MAP2: variants seen among roughly 807,000 people sequenced by gnomAD.
The protein encoded by MAP2 is microtubule-associated protein 2.
In MAP2, 14 loss-of-function variants were observed where a neutral mutation model predicts 137.6. The ratio of observed to expected loss-of-function variants is 0.10; its 90% CI spans 0.07 to 0.16. MAP2 has a LOEUF of 0.16. Ranked by LOEUF, MAP2 falls within the 10% of genes least tolerant of loss-of-function variation. The pLI, the probability that MAP2 is intolerant of heterozygous loss-of-function variation, is 1.00. For missense variants in MAP2, 2,088 were observed against 2,191.5 expected, an observed-to-expected ratio of 0.95 and a Z score of 0.94; for synonymous variants, 786 against 782.3, an observed-to-expected ratio of 1.00 and a Z score of -0.08.
intron 13 of MAP2, chr2:209,723,516 G>C: frequency 1.2e-6 from 1 of 800,938 alleles, no homozygotes; most frequent in Non-Finnish European, 2.2e-6. Flanking sequence ...AAGCCTCTTT[G>C]ATGCTACCCA....
Position 209,733,962 on chromosome 2 carries a change from T to A in MAP2, c.*3565T>A, listed in dbSNP as rs1464813390. On this transcript the variant is annotated 3_prime_UTR_variant, in exon 16 of 16. Transcript: ENST00000682079. ...CACTGTTACAAATCTGTGGGGGGTTTCTTTCTTCTGATAATTCTAGAGCCT... is the reference window on the plus strand; with the variant it reads ...CACTGTTACAAATCTGTGGGGGGTTACTTTCTTCTGATAATTCTAGAGCCT... 6.6e-6 allele frequency: 1 copy of A among 152,646 alleles called. No homozygotes were observed. Among genetic ancestry groups the A allele is most frequent in the Non-Finnish European group, 1.5e-5 (1 of 68,030 alleles). The allele number at this position is 152,646 out of a possible 1,614,324, so 9.5% of individuals were successfully genotyped here.
chr2:209,664,985 AAAG>A (rs1199774248), intron 5 of MAP2, among the ~76,000 whole-genome samples: 6 of 145,860 alleles, frequency 4.1e-5, no homozygotes, highest in South Asian at 2.3e-4. Context: ...AAAAAAAAAA[AAAG>A]AAGAAGAAGA....
intron 13 of MAP2, among the ~76,000 whole-genome samples, chr2:209,711,091 A>G (rs1051982312): frequency 6.6e-5 from 10 of 152,328 alleles, no homozygotes; most frequent in African/African-American, 2.4e-4. Context: ...GAAGAGATAT[A>G]AAACAACATC....
chr2:209,446,956 C>G (rs985429668), intron 1 of MAP2, among the ~76,000 whole-genome samples: 1 of 151,920 alleles, frequency 6.6e-6, no homozygotes, highest in Non-Finnish European at 1.5e-5. Flanking sequence ...ATACTACTTA[C>G]CTAGGTAATG....
intron 2 of MAP2, among the ~76,000 whole-genome samples, chr2:209,567,427 T>C (rs897686946): frequency 1.2e-4 from 18 of 151,944 alleles, no homozygotes; most frequent in Admixed American, 2.6e-4. Flanking sequence ...ACAAAGATAA[T>C]GGAAAAGTCA....
At chr2:209,568,211 C>T (rs2073822264) in intron 2 of MAP2, among the ~76,000 whole-genome samples, 1 of 151,918 alleles carries the variant, frequency 6.6e-6, no homozygotes, top group Non-Finnish European at 1.5e-5. Flanking sequence ...GTGACCATCA[C>T]CCTAGGGTAC....
At chr2:209,656,296 G>T (rs997353911) in intron 5 of MAP2, among the ~76,000 whole-genome samples, 2 of 151,934 alleles carry the variant, frequency 1.3e-5, no homozygotes, top group Admixed American at 1.3e-4. Flanking sequence ...TGAGTAGATT[G>T]CTTGAGCCCA....
chr2:209,582,357 G>A (rs1009987763), intron 3 of MAP2, among the ~76,000 whole-genome samples: 3 of 151,972 alleles, frequency 2.0e-5, no homozygotes, highest in African/African-American at 2.4e-5. Flanking sequence ...TACGGAATAG[G>A]ATTTTTCTGG....
rs527649579 is a variant in MAP2, at chr2:209,596,044, T to C, written c.-107+15944T>C. ...GGGTGCAGCAAACCAACACGGCACA[T>C]GTATACCTATGTAACAAACCTACAC... On this transcript the variant is annotated intron_variant, in intron 3 of 15. Transcript: ENST00000682079. Among the ~76,000 whole-genome samples, 21 of 152,238 alleles carry C rather than the reference T, an allele frequency of 1.4e-4. No homozygotes were observed. In the South Asian group the frequency reaches 4.1e-3, roughly 30 times the overall value.
intron 4 of MAP2, among the ~76,000 whole-genome samples, chr2:209,637,537 A>C (rs547605008): frequency 6.6e-6 from 1 of 152,136 alleles, no homozygotes; most frequent in Admixed American, 6.6e-5. Flanking sequence ...AGATAAGATG[A>C]GGTGACATAA....
rs1481492117 is a variant in MAP2 at position 209,693,637 on chromosome 2, T to C, written c.1467T>C (p.Pro489=). ...TCTCAGAACAGAAAGACCAAGAGCC[T>C]ACCACAGATATGTTGAAACAGGACT... ...HTFSEQKDQE[P]TTDMLKQDSF... The change falls in exon 8 of 16, where the codon CCT becomes CCC. Residue 489 remains proline (P), a synonymous_variant. Transcript: ENST00000682079. 6.2e-7 allele frequency: 1 copy of C among 1,613,870 alleles called. No homozygotes were observed. The highest frequency in any genetic ancestry group is 8.5e-7 in the Non-Finnish European group (1 of 1,179,992).
At position 209,694,343 on chromosome 2, in the gene MAP2, T is replaced by G; in HGVS notation, c.2173T>G (p.Ser725Ala). 6.2e-7 allele frequency: 1 copy of G among 1,614,126 alleles called. No individual in the cohort carries two copies. The highest frequency in any genetic ancestry group is 8.5e-7 in the Non-Finnish European group (1 of 1,180,018). The change falls in exon 8 of 16, where the codon TCT becomes GCT. Residue 725 changes from serine to alanine, a missense_variant. Around this residue, in one of 6 missense-constraint regions of MAP2, gnomAD observed 500 missense variants for 482.9 expected, o/e 1.04. Transcript: ENST00000682079. ...GFNFGRGHDLSPLASDILTNT... is the reference protein window; with the variant it reads ...GFNFGRGHDLAPLASDILTNT... ...TAACTTTGGTCGGGGACATGATCTTTCTCCTCTGGCTTCCGATATTCTAAC... is the reference window on the plus strand; with the variant it reads ...TAACTTTGGTCGGGGACATGATCTTGCTCCTCTGGCTTCCGATATTCTAAC...
At chr2:209,630,769 T>A (rs2092920906) in intron 4 of MAP2, among the ~76,000 whole-genome samples, 1 of 151,938 alleles carries the variant, frequency 6.6e-6, no homozygotes, top group Non-Finnish European at 1.5e-5. Flanking sequence ...GTGGTTTTTG[T>A]GTAATTGATA....
intron 5 of MAP2, 30 bp downstream of exon 5, chr2:209,653,462 C>G (rs2094933976): frequency 6.5e-7 from 1 of 1,549,932 alleles, no homozygotes; most frequent in African/African-American, 1.4e-5. Context: ...TCACCAAGTG[C>G]TTGCTTTGTG....
chr2:209,655,390 C>T (rs543198941), intron 5 of MAP2, among the ~76,000 whole-genome samples: 10 of 152,242 alleles, frequency 6.6e-5, no homozygotes, highest in Non-Finnish European at 1.2e-4. Context: ...TAGAAATAAG[C>T]AGCCAAGTAT....
intron 4 of MAP2, among the ~76,000 whole-genome samples, chr2:209,643,671 T>A (rs2094199889): frequency 6.6e-6 from 1 of 151,118 alleles, no homozygotes; most frequent in South Asian, 2.1e-4. Flanking sequence ...GGACTGCCCA[T>A]TGTTTTCATA....
rs762226552 is a variant in MAP2 at position 209,693,556 on chromosome 2, C to A, written c.1386C>A (p.Pro462=). 5.0e-6 allele frequency: 8 copies of A among 1,612,496 alleles called. No individual in the cohort carries two copies. Among genetic ancestry groups the A allele is most frequent in the Non-Finnish European group, 6.8e-6 (8 of 1,179,708 alleles). The change falls in exon 8 of 16, where the codon CCC becomes CCA. Residue 462 remains proline, a synonymous_variant. Transcript: ENST00000682079. Reference sequence around the variant, plus strand: ...AAGCTGTGCCAAAAGAGAGTAAACCCCCAAAACCTGCAGATGAAGAAATAG... The same window carrying A: ...AAGCTGTGCCAAAAGAGAGTAAACCACCAAAACCTGCAGATGAAGAAATAG... ...DKEAVPKESK[P]PKPADEEIGI...
chr2:209,732,671 A>G lies in MAP2; in HGVS notation c.*2274A>G, dbSNP rs2075923883. ...AAAAGTTTTAACCTGTGAAATAAGT[A>G]TTTTTCTCAACATTCTTTAAAGTTT... is the stretch of plus-strand genomic sequence containing the variant. On this transcript the variant is annotated 3_prime_UTR_variant, in exon 16 of 16. Transcript: ENST00000682079. The G allele has an allele frequency of 6.6e-6, 1 of 152,606 alleles. No homozygotes were observed. The highest frequency in any genetic ancestry group is 6.5e-5 in the Admixed American group (1 of 15,286). 9.5% of individuals were successfully genotyped at this position (152,606 alleles called of 1,614,324 possible).
chr2:209,466,013 C>G (rs1041196740), intron 1 of MAP2, among the ~76,000 whole-genome samples: 1 of 152,046 alleles, frequency 6.6e-6, no homozygotes, highest in Non-Finnish European at 1.5e-5. Context: ...TATTTCCTTA[C>G]CAAATGACCC....
Sources: gnomAD v4.1 joint callset for allele counts (sites outside exome capture counted in the v4.1 genomes callset) on GRCh38, gnomAD v4.1.1 for gene constraint, gnomAD v4.1.1 regional missense constraint, MANE v1.5 for transcripts, NCBI Gene and HGNC (gene_info 2026-07-23, HGNC 2026-07-21) for gene names.